Variants in GTF2B observed in about 807,000 individuals in gnomAD.
GTF2B encodes transcription initiation factor IIB.
A neutral mutation model predicts 34.6 loss-of-function variants in GTF2B; 20 were observed. That is an observed-to-expected ratio of 0.58 (90% CI 0.41 to 0.84). The LOEUF (loss-of-function observed/expected upper bound fraction) is 0.84. Ranked by LOEUF, GTF2B falls within the 40% of genes least tolerant of loss-of-function variation. The pLI is 0.00. For missense variants in GTF2B, 237 were observed against 393.3 expected, an observed-to-expected ratio of 0.60 and a Z score of 3.36; for synonymous variants, 142 against 132.4, an observed-to-expected ratio of 1.07 and a Z score of -0.50.
In GTF2B at chr1:88,853,059, T is replaced by C. The variant is rs1319005189; in HGVS notation, c.*154A>G. 4.2e-6 allele frequency: 3 copies of C among 706,610 alleles called. No individual in the cohort carries two copies. Among genetic ancestry groups the C allele is most frequent in the African/African-American group, 1.8e-5 (1 of 55,844 alleles). 43.8% of individuals were successfully genotyped at this position (706,610 alleles called of 1,614,324 possible). On this transcript the variant is annotated 3_prime_UTR_variant, in exon 7 of 7. Coordinates refer to ENST00000370500, the MANE Select transcript of GTF2B (RefSeq NM_001514.6). ...AATCATTAAATATGTTTCACTAGTA[T>C]ATACATACAGAATGCCAAGCAATAG... is the stretch of plus-strand genomic sequence containing the variant.
intron 2 of GTF2B, among the ~76,000 whole-genome samples, chr1:88,870,089 G>A (rs946691457): frequency 1.3e-5 from 2 of 151,934 alleles, no homozygotes; most frequent in African/African-American, 4.8e-5. Context: ...CACCACGCCT[G>A]GCTAATTTTT....
intron 2 of GTF2B, among the ~76,000 whole-genome samples, chr1:88,886,266 C>T (rs1674066448): frequency 6.6e-6 from 1 of 152,168 alleles, no homozygotes; most frequent in Non-Finnish European, 1.5e-5. Context: ...ACTACTAATG[C>T]TTCTGTTATA....
At chr1:88,878,653 T>C (rs1265016450) in intron 2 of GTF2B, among the ~76,000 whole-genome samples, 2 of 152,206 alleles carry the variant, frequency 1.3e-5, no homozygotes, top group Non-Finnish European at 2.9e-5. Flanking sequence ...TATTTCCCCA[T>C]TCCCTTCAAC....
intron 2 of GTF2B, among the ~76,000 whole-genome samples, chr1:88,864,431 G>T (rs1199831763): frequency 6.6e-6 from 1 of 152,152 alleles, no homozygotes; most frequent in East Asian, 1.9e-4. Flanking sequence ...TTAAGAACCA[G>T]ATTTTGCACA....
At chr1:88,856,709 G>C (rs1394934798) in intron 6 of GTF2B, among the ~76,000 whole-genome samples, 1 of 152,042 alleles carries the variant, frequency 6.6e-6, no homozygotes, top group African/African-American at 2.4e-5. Context: ...TTGTTCACAG[G>C]GTTATGTCTC....
chr1:88,881,967 G>C (rs969099782), intron 2 of GTF2B, among the ~76,000 whole-genome samples: 1 of 152,076 alleles, frequency 6.6e-6, no homozygotes, highest in African/African-American at 2.4e-5. Context: ...GGTTAAAGTG[G>C]AAGTGAGGCT....
intron 1 of GTF2B, among the ~76,000 whole-genome samples, chr1:88,889,178 T>TA (rs937538525): frequency 3.3e-5 from 5 of 152,198 alleles, no homozygotes; most frequent in African/African-American, 7.2e-5. Context: ...CAGGGAGACT[T>TA]AGATGGCTGG....
chr1:88,862,801 C>G (rs1166469471), intron 3 of GTF2B, among the ~76,000 whole-genome samples: 1 of 152,054 alleles, frequency 6.6e-6, no homozygotes, highest in Non-Finnish European at 1.5e-5. Context: ...TCATATCATG[C>G]CCAGCTACTT....
chr1:88,869,516 A>G (rs1029725788), intron 2 of GTF2B, among the ~76,000 whole-genome samples: 7 of 152,218 alleles, frequency 4.6e-5, no homozygotes, highest in African/African-American at 7.2e-5. Flanking sequence ...AGTTCATACT[A>G]TATGATTTCA....
At position 88,876,376 on chromosome 1, in the gene GTF2B, T is replaced by TA. The variant is rs1289650624; in HGVS notation, c.124+10884dup. Among the ~76,000 whole-genome samples, 22 of 151,044 alleles carry TA rather than the reference T, an allele frequency of 1.5e-4. No individual in the cohort carries two copies. The East Asian group carries it at 2.5e-3, about 17-fold the overall frequency. The stretch of plus-strand genomic sequence containing the variant: ...GAATCACCCTCTTTTTCTACAAGGT[T>TA]AAAAAAAAACAAGGGGGAAGCCGAA... On this transcript the variant is annotated intron_variant, in intron 2 of 6. Transcript: ENST00000370500.
In GTF2B at chr1:88,852,942, A is replaced by C. The variant is rs544108685; in HGVS notation, c.*271T>G. The C allele has an allele frequency of 2.8e-6, 1 of 362,892 alleles. No homozygotes were observed. The highest frequency in any genetic ancestry group is 3.8e-5 in the South Asian group (1 of 26,610). The allele number at this position is 362,892 out of a possible 1,614,324, so 22.5% of individuals were successfully genotyped here. A position where few individuals can be genotyped will look rare whatever the true frequency, so the allele number is the denominator to read the frequency against. On this transcript the variant is annotated 3_prime_UTR_variant, in exon 7 of 7. Transcript: ENST00000370500. ...ACATATAACAAAAACTTGAGTTTTG[A>C]AAAATGTTTTATTCAAGAATTACAT... is the stretch of plus-strand genomic sequence containing the variant.
intron 5 of GTF2B, among the ~76,000 whole-genome samples, chr1:88,858,952 C>T (rs1673378011): frequency 6.6e-6 from 1 of 151,446 alleles, no homozygotes; most frequent in South Asian, 2.1e-4. Flanking sequence ...ACTGCAACCT[C>T]TGCCTCCCGG....
chr1:88,858,475 C>T (rs1163611891), intron 5 of GTF2B, among the ~76,000 whole-genome samples: 4 of 152,170 alleles, frequency 2.6e-5, no homozygotes, highest in Non-Finnish European at 5.9e-5. Context: ...AACACAATGT[C>T]ATGTGTGCAT....
chr1:88,863,660 G>C, intron 3 of GTF2B, among the ~76,000 whole-genome samples: 1 of 152,126 alleles, frequency 6.6e-6, no homozygotes, highest in Middle Eastern at 3.2e-3. Flanking sequence ...CAGCTGAGAA[G>C]ACATTCTTGA....
chr1:88,874,535 G>A lies in GTF2B; in HGVS notation c.125-10421C>T, dbSNP rs1391241434. On this transcript the variant is annotated intron_variant, in intron 2 of 6. Transcript: ENST00000370500. ...TTTTTTTTTTTTTTTTACAGACACC[G>A]TCTCACTACATTGCCTAGGCTGGTC... Among the ~76,000 whole-genome samples, 12 of 115,184 alleles carry A rather than the reference G, an allele frequency of 1.0e-4. No homozygotes were observed. The East Asian group carries it at 2.6e-3, about 25-fold the overall frequency. 75.6% of individuals were successfully genotyped at this position (115,184 alleles called of 152,430 possible). A position where few individuals can be genotyped will look rare whatever the true frequency, so the allele number is the denominator to read the frequency against.
intron 1 of GTF2B, among the ~76,000 whole-genome samples, chr1:88,889,287 C>T (rs926832935): frequency 6.6e-6 from 1 of 152,218 alleles, no homozygotes; most frequent in Middle Eastern, 3.4e-3. Context: ...TAAAAGTATG[C>T]TAAATTAGTA....
At chr1:88,885,896 C>A (rs1016512840) in intron 2 of GTF2B, among the ~76,000 whole-genome samples, 5 of 151,954 alleles carry the variant, frequency 3.3e-5, no homozygotes, top group African/African-American at 1.2e-4. Flanking sequence ...ACTTTGACGA[C>A]CCCAGATTAA....
At chr1:88,874,012 G>A (rs1673758284) in intron 2 of GTF2B, among the ~76,000 whole-genome samples, 1 of 152,202 alleles carries the variant, frequency 6.6e-6, no homozygotes, top group African/African-American at 2.4e-5. Context: ...GAGAGGAGAA[G>A]TGAGAAAGAA....
In GTF2B at chr1:88,853,335, T is replaced by C. The variant is rs1474987136; in HGVS notation, c.829A>G (p.Ile277Val). ...ATTGTAACATCAGCAACACCAGCAA[T>C]ATCTCCAATTTCTAAAAGACAAAAA... is the stretch of plus-strand genomic sequence containing the variant. ...EKRTQKEIGDIAGVADVTIRQ... is the reference protein window; with the variant it reads ...EKRTQKEIGDVAGVADVTIRQ... The change falls in exon 7 of 7, where the codon ATT (isoleucine) becomes GTT (valine). Residue 277 changes from isoleucine to valine, a missense_variant. This residue lies in a region of GTF2B where 78 missense variants were observed against 116.6 expected (regional missense o/e 0.67). Coordinates refer to ENST00000370500, the MANE Select transcript of GTF2B (RefSeq NM_001514.6). The C allele has an allele frequency of 1.9e-6, 3 of 1,612,536 alleles. No homozygotes were observed. Among genetic ancestry groups the C allele is most frequent in the Admixed American group, 3.3e-5 (2 of 59,966 alleles).
Sources: gnomAD v4.1 joint callset for allele counts (sites outside exome capture counted in the v4.1 genomes callset) on GRCh38, gnomAD v4.1.1 for gene constraint, gnomAD v4.1.1 regional missense constraint, MANE v1.5 for transcripts, NCBI Gene and HGNC (gene_info 2026-07-23, HGNC 2026-07-21) for gene names.